COL14A1: variants seen among roughly 807,000 people sequenced by gnomAD.
COL14A1 encodes collagen type XIV alpha 1 chain.
In COL14A1, 136 loss-of-function variants were observed where a neutral mutation model predicts 230.3. The observed-to-expected ratio is 0.59, with a 90% CI of 0.51 to 0.68. The LOEUF (loss-of-function observed/expected upper bound fraction) is 0.68. Among genes scored for constraint, COL14A1 ranks in the 30% least tolerant of loss-of-function variants. The pLI is 0.00. For missense variants in COL14A1, 1,976 were observed against 2,215.8 expected, an observed-to-expected ratio of 0.89 and a Z score of 2.17; for synonymous variants, 792 against 784.1, an observed-to-expected ratio of 1.01 and a Z score of -0.17.
At chr8:120,277,928 G>C (rs1819903713) in intron 26 of COL14A1, 183 bp from the exon 27 acceptor site, 1 of 479,164 alleles carries the variant, frequency 2.1e-6, no homozygotes. Context: ...TTTTAAAAAA[G>C]AAAAGATGTA....
At chr8:120,341,643 G>A (rs2198750) in intron 43 of COL14A1, among the ~76,000 whole-genome samples, 1 of 151,952 alleles carries the variant, frequency 6.6e-6, no homozygotes, top group Non-Finnish European at 1.5e-5. Context: ...GAGAATCACC[G>A]TCATATAATT....
intron 36 of COL14A1, among the ~76,000 whole-genome samples, chr8:120,308,970 C>A (rs1334198268): frequency 6.6e-6 from 1 of 152,160 alleles, no homozygotes; most frequent in Non-Finnish European, 1.5e-5. Flanking sequence ...GAGGGAGTCT[C>A]ACTTTGCCGC....
intron 5 of COL14A1, among the ~76,000 whole-genome samples, chr8:120,173,006 TA>T (rs1237672083): frequency 6.6e-6 from 1 of 152,242 alleles, no homozygotes; most frequent in Admixed American, 6.5e-5. Context: ...TGTTTCTTAT[TA>T]AAATTTCACC....
chr8:120,363,719 C>G (rs1269075597), intron 45 of COL14A1, among the ~76,000 whole-genome samples: 1 of 152,144 alleles, frequency 6.6e-6, no homozygotes, highest in East Asian at 1.9e-4. Context: ...AGGCACAGCT[C>G]CAGCAGTCAA....
At position 120,199,498 on chromosome 8, in the gene COL14A1, A is replaced by C; in HGVS notation, c.809A>C (p.Lys270Thr). ...ATTGGCATTTTAATCACAGATGGAA[A>C]ATCCCAAGATGACATTATTCCACCA... ...SKIGILITDGKSQDDIIPPSR... is the reference protein window; with the variant it reads ...SKIGILITDGTSQDDIIPPSR... Residue 270 changes from lysine (K) to threonine (T), a missense_variant, in exon 8 of 48, where the codon AAA becomes ACA. Around this residue, in one of 3 missense-constraint regions of COL14A1, gnomAD observed 1,791 missense variants for 2,019.5 expected, o/e 0.89. Transcript: ENST00000297848. 1 of 1,613,052 alleles carries C rather than the reference A, an allele frequency of 6.2e-7. No individual in the cohort carries two copies. The highest frequency in any genetic ancestry group is 8.5e-7 in the Non-Finnish European group (1 of 1,179,614).
intron 5 of COL14A1, among the ~76,000 whole-genome samples, chr8:120,188,421 G>T (rs917716948): frequency 1.2e-4 from 18 of 152,160 alleles, no homozygotes; most frequent in Non-Finnish European, 1.3e-4. Context: ...TTCCAAATAT[G>T]AAATGTTAAG....
intron 40 of COL14A1, among the ~76,000 whole-genome samples, chr8:120,330,579 C>T (rs2130200710): frequency 6.6e-6 from 1 of 152,232 alleles, no homozygotes; most frequent in Non-Finnish European, 1.5e-5. Flanking sequence ...AGACCAGCCC[C>T]TATGATTCAG....
At chr8:120,228,109 C>T (rs1264069434) in intron 17 of COL14A1, among the ~76,000 whole-genome samples, 1 of 152,116 alleles carries the variant, frequency 6.6e-6, no homozygotes, top group African/African-American at 2.4e-5. Context: ...CATCCCCAGT[C>T]GCTGGAGGTG....
At chr8:120,256,985 A>G (rs974699417) in intron 23 of COL14A1, among the ~76,000 whole-genome samples, 1 of 152,260 alleles carries the variant, frequency 6.6e-6, no homozygotes, top group Non-Finnish European at 1.5e-5. Context: ...GGCTTTATCA[A>G]TGGAATCAAT....
At position 120,333,117 on chromosome 8, in the gene COL14A1, G is replaced by A. The variant is rs541466323; in HGVS notation, c.4785+382G>A. ...TTGGGAAATTCTAGGTTTAATGAAC[G>A]TGACATTAGATTTTTCTCTTCCAAA... On this transcript the variant is annotated intron_variant, in intron 42 of 47. Transcript: ENST00000297848. 1.7e-4 allele frequency among the ~76,000 whole-genome samples: 26 copies of A among 152,316 alleles called. No homozygotes were observed. The South Asian group carries it at 2.5e-3, about 15-fold the overall frequency.
chr8:120,262,868 A>T lies in COL14A1; in HGVS notation c.2870A>T (p.Asp957Val). 6.2e-7 allele frequency: 1 copy of T among 1,600,268 alleles called. No homozygotes were observed. The highest frequency in any genetic ancestry group is 8.5e-7 in the Non-Finnish European group (1 of 1,176,664). Reference protein sequence around the residue: ...AYRVVIESLQDRQKQESTVGG... With the variant: ...AYRVVIESLQVRQKQESTVGG... Reference sequence around the variant, plus strand: ...TTGTTTTGTTTTGTTTTTATTATAGATAGGCAAAAGCAAGAATCCACTGTG... The same window carrying T: ...TTGTTTTGTTTTGTTTTTATTATAGTTAGGCAAAAGCAAGAATCCACTGTG... Residue 957 changes from aspartate to valine, a missense_variant and splice_region_variant, in exon 24 of 48, where the codon GAT (aspartate) becomes GTT (valine). By Grantham distance (152) the Asp-to-Val change is radical. This residue lies in a region of COL14A1 where 1,791 missense variants were observed against 2,019.5 expected (regional missense o/e 0.89). Transcript: ENST00000297848.
At chr8:120,367,642 G>T (rs7834968) in intron 46 of COL14A1, among the ~76,000 whole-genome samples, 1 of 151,970 alleles carries the variant, frequency 6.6e-6, no homozygotes, top group East Asian at 1.9e-4. Flanking sequence ...GAAAGAAAAA[G>T]AAGGCACATC....
At chr8:120,314,220 GT>G (rs1236221067) in intron 38 of COL14A1, among the ~76,000 whole-genome samples, 193 bp downstream of exon 38, 27 of 152,300 alleles carry the variant, frequency 1.8e-4, no homozygotes, top group Admixed American at 1.2e-3. Flanking sequence ...TAACAAATAA[GT>G]ACATGCATAC....
chr8:120,345,335 G>A, intron 44 of COL14A1, 40 bp from the exon 45 acceptor site: 2 of 1,520,300 alleles, frequency 1.3e-6, no homozygotes, highest in Non-Finnish European at 8.8e-7. Context: ...TTCCTTGTGT[G>A]ACAGTTCACT....
intron 46 of COL14A1, among the ~76,000 whole-genome samples, chr8:120,367,944 G>GA (rs140851070): frequency 2.0e-3 from 265 of 130,978 alleles, no homozygotes; most frequent in Admixed American, 1.3e-3. Context: ...ACCCTGTCTC[G>GA]AAAAAAAAAA....
At position 120,270,019 on chromosome 8, in the gene COL14A1, C is replaced by T. The variant is rs779756507; in HGVS notation, c.3074-16C>T. On this transcript the variant is annotated splice_polypyrimidine_tract_variant and intron_variant, in intron 25 of 47. Coordinates refer to ENST00000297848, the MANE Select transcript of COL14A1 (RefSeq NM_021110.4). Reference sequence around the variant, plus strand: ...TTCCCCTTATCTCTGACTCAAAATTCATTGTTGGTCTTCAGTATGTAAGGC... The same window carrying T: ...TTCCCCTTATCTCTGACTCAAAATTTATTGTTGGTCTTCAGTATGTAAGGC... 1 of 1,609,632 alleles carries T rather than the reference C, an allele frequency of 6.2e-7. No homozygotes were observed.
At chr8:120,295,272 G>A (rs569294505) in intron 34 of COL14A1, among the ~76,000 whole-genome samples, 38 of 151,886 alleles carry the variant, frequency 2.5e-4, no homozygotes, top group African/African-American at 8.4e-4. Context: ...CATTTTAAAC[G>A]TTAGATCAAA....
chr8:120,203,240 G>A (rs1817315074), intron 8 of COL14A1, among the ~76,000 whole-genome samples: 1 of 151,582 alleles, frequency 6.6e-6, no homozygotes, highest in Admixed American at 6.6e-5. Flanking sequence ...TCTGTAAAAA[G>A]CAATCTCACA....
upstream of COL14A1, among the ~76,000 whole-genome samples, chr8:120,124,951 C>A (rs916602307): frequency 8.5e-5 from 13 of 152,176 alleles, no homozygotes; most frequent in African/African-American, 2.9e-4. Context: ...ACGGGGCTGG[C>A]TTCTCCACAT....
Sources: gnomAD v4.1 joint callset for allele counts (sites outside exome capture counted in the v4.1 genomes callset) on GRCh38, gnomAD v4.1.1 for gene constraint, gnomAD v4.1.1 regional missense constraint, MANE v1.5 for transcripts, NCBI Gene and HGNC (gene_info 2026-07-23, HGNC 2026-07-21) for gene names.